The following CDYL variants were observed in gnomAD, a reference collection of about 807,000 sequenced individuals.
CDYL encodes chromodomain Y like, also known as chromodomain Y-like protein.
Under a neutral mutation model 47.3 loss-of-function variants are expected in CDYL, and 8 were observed. The ratio of observed to expected loss-of-function variants is 0.17; its 90% CI spans 0.10 to 0.31. The LOEUF (loss-of-function observed/expected upper bound fraction) is 0.31, where lower values mean the gene tolerates loss of function less well. Ranked by LOEUF, CDYL falls within the 10% of genes least tolerant of loss-of-function variation. CDYL has a pLI of 1.00. For missense variants in CDYL, 471 were observed against 701.4 expected (o/e 0.67, Z 3.71); for synonymous variants, 266 against 265.0 (o/e 1.00, Z -0.04).
chr6:4,884,789 CCTGA>C (rs1350138232), intron 1 of CDYL, among the ~76,000 whole-genome samples: 1 of 152,136 alleles, frequency 6.6e-6, no homozygotes, highest in Non-Finnish European at 1.5e-5. Context: ...GCAGTTTTTA[CCTGA>C]CTGTCTTTGT....
intron 2 of CDYL, among the ~76,000 whole-genome samples, chr6:4,895,387 GCA>G (rs1762229193): frequency 1.2e-4 from 1 of 8,672 alleles, no homozygotes; most frequent in African/African-American, 1.2e-4. Context: ...GTATATATGT[GCA>G]TATATGCATG....
chr6:4,907,054 C>CT (rs1464480110), intron 2 of CDYL, among the ~76,000 whole-genome samples: 1 of 152,202 alleles, frequency 6.6e-6, no homozygotes, highest in Non-Finnish European at 1.5e-5. Flanking sequence ...ATTATAGAGT[C>CT]TGTGTAACGC....
intron 2 of CDYL, among the ~76,000 whole-genome samples, chr6:4,923,763 T>C (rs1269980540): frequency 1.3e-5 from 2 of 151,998 alleles, no homozygotes; most frequent in Admixed American, 6.6e-5. Context: ...TAGCCAGGCA[T>C]GGTGGCGGGC....
At chr6:4,786,001 A>G (rs538137304) in intron 1 of CDYL, among the ~76,000 whole-genome samples, 19 of 152,368 alleles carry the variant, frequency 1.2e-4, no homozygotes, top group African/African-American at 4.6e-4. Flanking sequence ...GCAAAGAGCT[A>G]TCAAGAAGAG....
At chr6:4,750,590 C>G (rs1432116545) in intron 3 of CDYL, among the ~76,000 whole-genome samples, 3 of 152,158 alleles carry the variant, frequency 2.0e-5, no homozygotes, top group Non-Finnish European at 2.9e-5. Context: ...CTGCTGGAGC[C>G]TAGGAGTTCA....
chr6:4,732,884 A>G (rs1757632650), intron 2 of CDYL, among the ~76,000 whole-genome samples: 1 of 152,184 alleles, frequency 6.6e-6, no homozygotes, highest in Non-Finnish European at 1.5e-5. Context: ...AACAGGGACA[A>G]CAGAGGTGGT....
chr6:4,799,425 T>C (rs1457397053), intron 1 of CDYL, among the ~76,000 whole-genome samples: 1 of 152,202 alleles, frequency 6.6e-6, no homozygotes, highest in Non-Finnish European at 1.5e-5. Flanking sequence ...ACAGTTGGTA[T>C]GGTCACATAG....
In CDYL at chr6:4,935,678, C is replaced by T. The variant is rs1375289904; in HGVS notation, c.855C>T (p.Tyr285=). The T allele has an allele frequency of 1.2e-6, 2 of 1,614,246 alleles. No individual in the cohort carries two copies. Among genetic ancestry groups the T allele is most frequent in the East Asian group, 4.5e-5 (2 of 44,884 alleles). Residue 285 remains tyrosine, a synonymous_variant, in exon 3 of 7, where the codon TAC becomes TAT. Coordinates refer to ENST00000397588, the MANE Select transcript of CDYL (RefSeq NM_004824.4). The part of the protein sequence containing the change: ...RFSVRQTESA[Y]RYRDIVVRKQ... ...GCGTGAGGCAAACAGAAAGTGCCTA[C>T]AGATACAGAGATATTGTGGTCAGGA...
intron 1 of CDYL, chr6:4,836,359 CT>C (rs1441713613): frequency 5.8e-5 from 37 of 636,446 alleles, no homozygotes; most frequent in Non-Finnish European, 6.6e-5. Flanking sequence ...TTCCAACCCC[CT>C]AGAGGAGTTG....
At chr6:4,850,316 G>A (rs1760785678) in intron 1 of CDYL, among the ~76,000 whole-genome samples, 1 of 152,178 alleles carries the variant, frequency 6.6e-6, no homozygotes, top group Admixed American at 6.5e-5. Flanking sequence ...CTGAAGAGAT[G>A]TAGTGTCTTA....
chr6:4,855,847 T>C (rs79743134), intron 1 of CDYL, among the ~76,000 whole-genome samples: 3,312 of 152,314 alleles, frequency 0.022, 127 homozygotes, highest in African/African-American at 0.076. Context: ...TAGCTCTCAC[T>C]ATGCAGAGTG....
intron 1 of CDYL, among the ~76,000 whole-genome samples, chr6:4,830,772 G>A (rs1760116644): frequency 9.4e-6 from 1 of 106,104 alleles, no homozygotes; most frequent in South Asian, 3.1e-4. Flanking sequence ...CCCCACAACA[G>A]GCCCCAGAGT....
intron 3 of CDYL, among the ~76,000 whole-genome samples, chr6:4,736,780 G>C (rs2127415671): frequency 6.6e-6 from 1 of 152,184 alleles, no homozygotes; most frequent in South Asian, 2.1e-4. Flanking sequence ...CATTGAAAAG[G>C]AGTAAACATG....
intron 1 of CDYL, among the ~76,000 whole-genome samples, chr6:4,883,187 A>G (rs987917985): frequency 1.3e-5 from 2 of 152,172 alleles, no homozygotes; most frequent in Non-Finnish European, 2.9e-5. Context: ...TGGTGGAAGG[A>G]GAGCAACAAT....
intron 1 of CDYL, among the ~76,000 whole-genome samples, chr6:4,813,648 T>C (rs1031691497): frequency 6.6e-6 from 1 of 152,244 alleles, no homozygotes; most frequent in Non-Finnish European, 1.5e-5. Flanking sequence ...CACATGCTGT[T>C]CTGGTTTTAT....
chr6:4,862,969 G>A (rs9504275), intron 1 of CDYL, among the ~76,000 whole-genome samples: 3,244 of 152,232 alleles, frequency 0.021, 71 homozygotes, highest in East Asian at 0.085. Context: ...TATCAACAGT[G>A]TACTGGATAA....
intron 2 of CDYL, among the ~76,000 whole-genome samples, chr6:4,905,230 C>T (rs901362190): frequency 6.6e-6 from 1 of 152,076 alleles, no homozygotes; most frequent in African/African-American, 2.4e-5. Context: ...TCTCTTCAAC[C>T]CTCTCCAGCC....
intron 1 of CDYL, among the ~76,000 whole-genome samples, chr6:4,828,280 T>C (rs1760037142): frequency 6.8e-6 from 1 of 147,104 alleles, no homozygotes; most frequent in Admixed American, 6.8e-5. Context: ...TTTTAAGAGA[T>C]TGGGTCTTGC....
Position 4,808,704 on chromosome 6 carries a change from G to C in CDYL, c.24+31897G>C, listed in dbSNP as rs1323333897. On this transcript the variant is annotated intron_variant, in intron 1 of 6. Transcript: ENST00000397588. ...AAGCTTTACTGTCTGACCCTTTATG[G>C]ACATGGTTTGCTGACTCTTAAAGTC... is the stretch of plus-strand genomic sequence containing the variant. 2.6e-5 allele frequency among the ~76,000 whole-genome samples: 4 copies of C among 152,186 alleles called. No homozygotes were observed. The East Asian group carries it at 5.8e-4, about 22-fold the overall frequency.
Sources: allele counts gnomAD v4.1 joint callset (sites outside exome capture counted in the v4.1 genomes callset), GRCh38; gene constraint gnomAD v4.1.1; transcripts MANE v1.5; gene names NCBI Gene and HGNC (gene_info 2026-07-23, HGNC 2026-07-21).